PRPSAP1: variants seen among roughly 807,000 people sequenced by gnomAD.
PRPSAP1 encodes phosphoribosyl pyrophosphate synthetase associated protein 1.
A neutral mutation model predicts 39.4 loss-of-function variants in PRPSAP1; 31 were observed. The ratio of observed to expected loss-of-function variants is 0.79; its 90% CI spans 0.59 to 1.06. The LOEUF is 1.06. PRPSAP1 is among the 50% of genes least tolerant of loss of function. The pLI, the probability that PRPSAP1 is intolerant of heterozygous loss-of-function variation, is 0.00. For missense variants in PRPSAP1, 430 were observed against 511.6 expected, an observed-to-expected ratio of 0.84 and a Z score of 1.54; for synonymous variants, 212 against 192.6, an observed-to-expected ratio of 1.10 and a Z score of -0.83.
intron 3 of PRPSAP1, among the ~76,000 whole-genome samples, chr17:76,333,298 C>T (rs985514124): frequency 3.3e-5 from 5 of 152,002 alleles, no homozygotes; most frequent in Non-Finnish European, 7.4e-5. Context: ...TTAGTAGAAA[C>T]GGGGTTTCTC....
chr17:76,349,520 G>T (rs952402094), intron 1 of PRPSAP1, among the ~76,000 whole-genome samples: 3 of 151,930 alleles, frequency 2.0e-5, no homozygotes, highest in African/African-American at 7.3e-5. Context: ...CAGCACTTTG[G>T]GAAGCTGAGG....
At position 76,350,356 on chromosome 17, in the gene PRPSAP1, G is replaced by A. The variant is rs146419693; in HGVS notation, c.171-1775C>T. Among the ~76,000 whole-genome samples, 331 of 150,614 alleles carry A rather than the reference G, an allele frequency of 2.2e-3. 2 individuals carry two copies. The highest frequency in any genetic ancestry group is 7.5e-3 in the African/African-American group (307 of 41,026). ...CGGGAGGCTGAGGCAGGGGAATGGC[G>A]TGAACCCAGGGGGCGGAGCTTACAG... On this transcript the variant is annotated intron_variant, in intron 1 of 9. Coordinates refer to ENST00000446526, the MANE Select transcript of PRPSAP1 (RefSeq NM_002766.3).
At chr17:76,311,757 G>A (rs1326903041) in intron 9 of PRPSAP1, 57 bp from the exon 10 acceptor site, 13 of 1,552,992 alleles carry the variant, frequency 8.4e-6, no homozygotes, top group South Asian at 3.7e-5. Flanking sequence ...CTCCAAGCTG[G>A]TTACACAGAA....
At position 76,309,483 on chromosome 17, in the gene PRPSAP1, C is replaced by T. The variant is rs1417347037; in HGVS notation, c.*2059G>A. The T allele has an allele frequency of 6.6e-6, 1 of 152,110 alleles. No homozygotes were observed. Among genetic ancestry groups the T allele is most frequent in the Non-Finnish European group, 1.5e-5 (1 of 68,016 alleles). 9.4% of individuals were successfully genotyped at this position (152,110 alleles called of 1,614,324 possible). A position where few individuals can be genotyped will look rare whatever the true frequency, so the allele number is the denominator to read the frequency against. ...GTTAACAATTGAGACATGACTTCCCCATACAAGATTCTTCCCAAAAACGTA... is the reference window on the plus strand; with the variant it reads ...GTTAACAATTGAGACATGACTTCCCTATACAAGATTCTTCCCAAAAACGTA... On this transcript the variant is annotated 3_prime_UTR_variant, in exon 10 of 10. Coordinates refer to ENST00000446526, the MANE Select transcript of PRPSAP1 (RefSeq NM_002766.3).
intron 7 of PRPSAP1, among the ~76,000 whole-genome samples, chr17:76,317,258 G>C (rs968911968): frequency 2.6e-5 from 4 of 152,130 alleles, no homozygotes; most frequent in African/African-American, 9.7e-5. Context: ...GCTGAGGCAG[G>C]AGAATTGCTT....
At position 76,349,136 on chromosome 17, in the gene PRPSAP1, C is replaced by G. The variant is rs2071541436; in HGVS notation, c.171-555G>C. ...GACCAGCCTGACCAACATGGAGAAA[C>G]CCCGTCTAAAATACAAAATCAGCTG... is the stretch of plus-strand genomic sequence containing the variant. On this transcript the variant is annotated intron_variant, in intron 1 of 9. Coordinates refer to ENST00000446526, the MANE Select transcript of PRPSAP1 (RefSeq NM_002766.3). 3.3e-5 allele frequency among the ~76,000 whole-genome samples: 5 copies of G among 151,544 alleles called. 1 individual carries two copies. The Admixed American group carries it at 3.3e-4, about 10-fold the overall frequency.
intron 7 of PRPSAP1, among the ~76,000 whole-genome samples, chr17:76,328,198 A>G (rs1296935625): frequency 6.6e-6 from 1 of 152,060 alleles, no homozygotes; most frequent in Non-Finnish European, 1.5e-5. Flanking sequence ...AAAAAAAAAA[A>G]AAAAAGGCGG....
intron 1 of PRPSAP1, 93 bp from the exon 2 acceptor site, chr17:76,348,674 A>G: frequency 2.2e-6 from 2 of 921,322 alleles, no homozygotes; most frequent in Non-Finnish European, 3.2e-6. Context: ...AAAGACTCAA[A>G]TAATTAAGCT....
At chr17:76,325,767 G>C (rs2071250046) in intron 7 of PRPSAP1, among the ~76,000 whole-genome samples, 1 of 151,670 alleles carries the variant, frequency 6.6e-6, no homozygotes, top group South Asian at 2.1e-4. Context: ...ACTACGCCCG[G>C]CTAATTTTTT....
intron 6 of PRPSAP1, 191 bp from the exon 7 acceptor site, chr17:76,329,053 G>T (rs2143495941): frequency 4.7e-6 from 3 of 635,450 alleles, no homozygotes; most frequent in Middle Eastern, 4.5e-4. Flanking sequence ...TTAGGGTTTG[G>T]GATTGTATCT....
At chr17:76,338,947 C>T (rs139348483) in intron 3 of PRPSAP1, among the ~76,000 whole-genome samples, 1,572 of 151,150 alleles carry the variant, frequency 0.01, 27 homozygotes, top group African/African-American at 0.036. Context: ...GCAGGAGAAT[C>T]ACTTGAACCT....
At chr17:76,353,465 G>C in intron 1 of PRPSAP1, 69 bp downstream of exon 1, 1 of 1,380,564 alleles carries the variant, frequency 7.2e-7, no homozygotes, top group South Asian at 1.5e-5. Context: ...GAGGGGAGCG[G>C]GTCCCTCCGG....
Position 76,344,725 on chromosome 17 carries a change from T to C in PRPSAP1, c.236A>G (p.Glu79Gly), listed in dbSNP as rs1306806101. 5.1e-6 allele frequency: 8 copies of C among 1,576,392 alleles called. No homozygotes were observed. The highest frequency in any genetic ancestry group is 4.3e-6 in the Non-Finnish European group (5 of 1,154,578). ...YQETNGETRV[E>G]IKESVRGQDI... ...TTGGCCACGAACAGATTCTTTTATT[T>C]CAACTCTTGTTTCTGAAAAATAAAA... The change falls in exon 3 of 10, where the codon GAA becomes GGA. Residue 79 changes from glutamate (E) to glycine (G), a missense_variant. By Grantham distance (98) the Glu-to-Gly change is moderately conservative (BLOSUM62 -2). This residue lies in a region of PRPSAP1 where 152 missense variants were observed against 135.2 expected (regional missense o/e 1.12). Coordinates refer to ENST00000446526, the MANE Select transcript of PRPSAP1 (RefSeq NM_002766.3).
chr17:76,353,474 G>C, intron 1 of PRPSAP1, 60 bp downstream of exon 1: 3 of 1,418,104 alleles, frequency 2.1e-6, no homozygotes, highest in African/African-American at 1.5e-5. Flanking sequence ...GGGTCCCTCC[G>C]GGCGCGAAGG....
intron 4 of PRPSAP1, among the ~76,000 whole-genome samples, chr17:76,331,722 G>A (rs538453535): frequency 6.6e-5 from 10 of 152,146 alleles, no homozygotes; most frequent in Admixed American, 2.0e-4. Context: ...CCAAATATAC[G>A]TTAAAGTTTT....
intron 1 of PRPSAP1, among the ~76,000 whole-genome samples, chr17:76,349,774 TA>T (rs905972875): frequency 2.0e-5 from 3 of 150,720 alleles, no homozygotes; most frequent in African/African-American, 7.3e-5. Context: ...AAAATAATAA[TA>T]AAAAAAATAA....
At chr17:76,326,744 A>C (rs1286775531) in intron 7 of PRPSAP1, among the ~76,000 whole-genome samples, 29 of 152,218 alleles carry the variant, frequency 1.9e-4, no homozygotes, top group Non-Finnish European at 4.4e-5. Flanking sequence ...TTTGCTCTAA[A>C]GGACACTGCT....
chr17:76,351,045 A>T (rs993495096), intron 1 of PRPSAP1, among the ~76,000 whole-genome samples: 10 of 152,166 alleles, frequency 6.6e-5, no homozygotes, highest in African/African-American at 2.4e-4. Flanking sequence ...AAACAAACAA[A>T]CAAACAAAAA....
intron 5 of PRPSAP1, 48 bp downstream of exon 5, chr17:76,330,503 A>G (rs749926786): frequency 7.2e-7 from 1 of 1,394,644 alleles, no homozygotes; most frequent in Non-Finnish European, 1.0e-6. Flanking sequence ...GAAAAACTAA[A>G]TAAGATCTCT....
Sources: gnomAD v4.1 joint callset for allele counts (sites outside exome capture counted in the v4.1 genomes callset) on GRCh38, gnomAD v4.1.1 for gene constraint, gnomAD v4.1.1 regional missense constraint, MANE v1.5 for transcripts, NCBI Gene and HGNC (gene_info 2026-07-23, HGNC 2026-07-21) for gene names.